The following LAMA4 variants were observed in gnomAD, a reference collection of about 807,000 sequenced individuals.
The protein encoded by LAMA4 is laminin subunit alpha-4.
LAMA4 carries 127 observed loss-of-function variants against 207.1 expected under a neutral mutation model. The observed-to-expected ratio is 0.61, with a 90% CI of 0.53 to 0.71. The LOEUF is 0.71. LAMA4 is among the 30% of genes least tolerant of loss of function. The pLI, the probability that LAMA4 is intolerant of heterozygous loss-of-function variation, is 0.00. For missense variants in LAMA4, 2,093 were observed against 2,246.5 expected, an observed-to-expected ratio of 0.93 and a Z score of 1.38; for synonymous variants, 761 against 816.0, an observed-to-expected ratio of 0.93 and a Z score of 1.15.
At position 112,207,167 on chromosome 6, in the gene LAMA4, G is replaced by T. The variant is rs782279386; in HGVS notation, c.298-22C>A. 9.3e-5 allele frequency: 150 copies of T among 1,613,222 alleles called. 2 individuals carry two copies. In the South Asian group the frequency reaches 1.6e-3, roughly 17 times the overall value. ...AGTGCTATGAGACAAAAGACAAGAA[G>T]ATTGACAAGGATGCGAAAGAAATTT... On this transcript the variant is annotated intron_variant, in intron 3 of 38. Coordinates refer to ENST00000230538, the MANE Select transcript of LAMA4 (RefSeq NM_001105206.3).
At chr6:112,247,967 A>G (rs563847016) in intron 2 of LAMA4, among the ~76,000 whole-genome samples, 1 of 152,236 alleles carries the variant, frequency 6.6e-6, no homozygotes, top group Admixed American at 6.5e-5. Flanking sequence ...ATTATGCCAA[A>G]TGAAATAAGC....
At chr6:112,111,507 T>A (rs993827045) in intron 38 of LAMA4, among the ~76,000 whole-genome samples, 2 of 152,208 alleles carry the variant, frequency 1.3e-5, no homozygotes, top group Non-Finnish European at 2.9e-5. Flanking sequence ...TCAGTGCATT[T>A]AGGGGTTTTA....
chr6:112,161,875 T>C (rs1781073652), intron 13 of LAMA4, among the ~76,000 whole-genome samples: 1 of 151,912 alleles, frequency 6.6e-6, no homozygotes, highest in South Asian at 2.1e-4. Context: ...TGGAGTGCAG[T>C]GAGTGAGAAA....
At position 112,254,181 on chromosome 6, in the gene LAMA4, A is replaced by G. The variant is rs1554190616; in HGVS notation, c.-31T>C. On this transcript the variant is annotated 5_prime_UTR_variant, in exon 2 of 39. Coordinates refer to ENST00000230538, the MANE Select transcript of LAMA4 (RefSeq NM_001105206.3). ...CGCTGACATCCAGTAGTGCTCTTCC[A>G]GGGCTCGGGCGCTGTGGGTCTCCGT... 1.9e-6 allele frequency: 3 copies of G among 1,611,552 alleles called. No homozygotes were observed. In the African/African-American group the frequency reaches 4.0e-5, roughly 22 times the overall value.
intron 5 of LAMA4, among the ~76,000 whole-genome samples, chr6:112,199,618 G>T (rs1367984109): frequency 3.9e-5 from 6 of 152,010 alleles, no homozygotes; most frequent in Non-Finnish European, 2.9e-5. Context: ...TGGACCCTAA[G>T]CTCGCTTTCC....
intron 16 of LAMA4, among the ~76,000 whole-genome samples, chr6:112,154,441 G>A (rs12196086): frequency 0.22 from 34,006 of 151,140 alleles, 4,067 homozygotes; most frequent in East Asian, 0.34. Flanking sequence ...GTGATGACTC[G>A]TTCCTTCATG....
chr6:112,165,818 A>G (rs781956797), intron 12 of LAMA4, among the ~76,000 whole-genome samples: 3 of 152,208 alleles, frequency 2.0e-5, no homozygotes, highest in Non-Finnish European at 4.4e-5. Context: ...AGAGCTCTTT[A>G]TTGTAAATGC....
At chr6:112,183,520 C>T (rs577700044) in intron 9 of LAMA4, among the ~76,000 whole-genome samples, 38 of 152,204 alleles carry the variant, frequency 2.5e-4, no homozygotes, top group African/African-American at 6.5e-4. Context: ...TTCCTCTCCA[C>T]GAAAGCCTGC....
At chr6:112,188,353 G>T (rs1554347393) in intron 7 of LAMA4, among the ~76,000 whole-genome samples, 1 of 152,180 alleles carries the variant, frequency 6.6e-6, no homozygotes, top group Non-Finnish European at 1.5e-5. Context: ...GGACCAGGCA[G>T]GCATCTTGAT....
At chr6:112,130,913 T>TA in intron 29 of LAMA4, 55 bp downstream of exon 29, 1 of 1,584,590 alleles carries the variant, frequency 6.3e-7, no homozygotes, top group Non-Finnish European at 8.7e-7. Context: ...GTTTTTGACA[T>TA]AATCATGTCC....
chr6:112,137,183 G>A (rs566742323), intron 24 of LAMA4, among the ~76,000 whole-genome samples: 86 of 152,254 alleles, frequency 5.6e-4, no homozygotes, highest in Non-Finnish European at 5.3e-4. Context: ...AGTTTTGCTT[G>A]TTTCAGAAGA....
chr6:112,206,130 T>G (rs1784044780), intron 4 of LAMA4, among the ~76,000 whole-genome samples: 1 of 152,226 alleles, frequency 6.6e-6, no homozygotes, highest in Non-Finnish European at 1.5e-5. Flanking sequence ...GTGAGTCATC[T>G]TAATGAACTG....
chr6:112,253,742 C>A, intron 2 of LAMA4: 1 of 1,613,388 alleles, frequency 6.2e-7, no homozygotes. Flanking sequence ...TTTGAGCAGA[C>A]ACATTCCGAA....
chr6:112,249,407 C>T (rs1787257088), intron 2 of LAMA4, among the ~76,000 whole-genome samples: 1 of 126,728 alleles, frequency 7.9e-6, no homozygotes, highest in Admixed American at 9.3e-5. Context: ...CAAGCCACTG[C>T]ACTCCAGACA....
chr6:112,130,900 G>C, intron 29 of LAMA4, 68 bp downstream of exon 29: 1 of 1,521,880 alleles, frequency 6.6e-7, no homozygotes, highest in Admixed American at 1.7e-5. Flanking sequence ...ATTATTCATA[G>C]TGGTTTTTGA....
chr6:112,120,731 T>C (rs781808745), intron 32 of LAMA4, among the ~76,000 whole-genome samples: 9 of 152,322 alleles, frequency 5.9e-5, no homozygotes, highest in Middle Eastern at 3.4e-3. Flanking sequence ...TTAAGGATCT[T>C]ACTGTGTCTT....
intron 2 of LAMA4, among the ~76,000 whole-genome samples, chr6:112,247,790 A>C (rs1787100865): frequency 6.6e-6 from 1 of 152,234 alleles, no homozygotes; most frequent in Non-Finnish European, 1.5e-5. Flanking sequence ...TTGTACAGCA[A>C]TATTCATAGC....
chr6:112,224,071 T>C (rs1388016220), intron 2 of LAMA4, among the ~76,000 whole-genome samples: 1 of 152,206 alleles, frequency 6.6e-6, no homozygotes, highest in Non-Finnish European at 1.5e-5. Flanking sequence ...TCTCTGGCCA[T>C]CACACCTGGC....
chr6:112,221,871 C>G (rs948374413), intron 2 of LAMA4, among the ~76,000 whole-genome samples: 1 of 152,094 alleles, frequency 6.6e-6, no homozygotes, highest in Admixed American at 6.6e-5. Context: ...ATATTCCACC[C>G]TTTTCTAAGG....
Sources: gnomAD v4.1 joint callset for allele counts (sites outside exome capture counted in the v4.1 genomes callset) on GRCh38, gnomAD v4.1.1 for gene constraint, MANE v1.5 for transcripts, NCBI Gene and HGNC (gene_info 2026-07-23, HGNC 2026-07-21) for gene names.